The following CNOT1 variants were observed in gnomAD, a reference collection of about 807,000 sequenced individuals.
CNOT1 encodes the protein CCR4-NOT transcription complex subunit 1.
In CNOT1, 15 loss-of-function variants were observed where a neutral mutation model predicts 273.8. That is an observed-to-expected ratio of 0.05 (90% CI 0.04 to 0.08). The LOEUF (loss-of-function observed/expected upper bound fraction) is 0.08, where lower values mean the gene tolerates loss of function less well. Ranked by LOEUF, CNOT1 falls within the 10% of genes least tolerant of loss-of-function variation. The pLI, the probability that CNOT1 is intolerant of heterozygous loss-of-function variation, is 1.00. For missense variants in CNOT1, 1,644 were observed against 2,912.2 expected, an observed-to-expected ratio of 0.56 and a Z score of 10.02; for synonymous variants, 1,022 against 1,005.5, an observed-to-expected ratio of 1.02 and a Z score of -0.31.
intron 44 of CNOT1, chr16:58,527,984 G>C: frequency 3.0e-6 from 1 of 337,714 alleles, no homozygotes; most frequent in South Asian, 2.3e-5. Context: ...GTGGTGGCGA[G>C]TGCCTGTAAT....
In CNOT1 at chr16:58,588,018, G is replaced by C. The variant is rs897830660; in HGVS notation, c.211-140C>G. 3.3e-4 allele frequency: 291 copies of C among 873,778 alleles called. 1 individual carries two copies. Among genetic ancestry groups the C allele is most frequent in the Non-Finnish European group, 4.5e-4 (266 of 595,748 alleles). 54.1% of individuals were successfully genotyped at this position (873,778 alleles called of 1,614,324 possible). ...TCAAAATCGGCTCTTTAAAAATCTCGCCAGGTGCGGTGGTTGACAACCGTA... is the reference window on the plus strand; with the variant it reads ...TCAAAATCGGCTCTTTAAAAATCTCCCCAGGTGCGGTGGTTGACAACCGTA... On this transcript the variant is annotated intron_variant, in intron 3 of 48. Transcript: ENST00000317147.
At chr16:58,587,444 A>C (rs1463236190) in intron 4 of CNOT1, 31 bp from the exon 5 acceptor site, 2 of 1,609,850 alleles carry the variant, frequency 1.2e-6, no homozygotes, top group East Asian at 2.2e-5. Flanking sequence ...GTTTAAAATA[A>C]GAACTTACTT....
rs868280709 is a variant in CNOT1 at position 58,593,358 on chromosome 16, G to A, written c.103-4452C>T. 9.2e-5 allele frequency among the ~76,000 whole-genome samples: 14 copies of A among 151,820 alleles called. 1 individual carries two copies. The highest frequency in any genetic ancestry group is 6.3e-4 in the South Asian group (3 of 4,794). On this transcript the variant is annotated intron_variant, in intron 2 of 48. Coordinates refer to ENST00000317147, the MANE Select transcript of CNOT1 (RefSeq NM_016284.5). ...GCAGATCACCTGAGGTCGGGAGTTCGAGACCGGCCTGACCAACATGGAGAA... is the reference window on the plus strand; with the variant it reads ...GCAGATCACCTGAGGTCGGGAGTTCAAGACCGGCCTGACCAACATGGAGAA...
rs377495670 is a variant in CNOT1 at position 58,551,479 on chromosome 16, A to G, written c.3201+110T>C. 1.4e-5 allele frequency: 19 copies of G among 1,319,302 alleles called. No homozygotes were observed. The East Asian group carries it at 1.6e-4, about 11-fold the overall frequency. The allele number at this position is 1,319,302 out of a possible 1,614,324, so 81.7% of individuals were successfully genotyped here. A position where few individuals can be genotyped will look rare whatever the true frequency, so the allele number is the denominator to read the frequency against. On this transcript the variant is annotated intron_variant, in intron 23 of 48. Coordinates refer to ENST00000317147, the MANE Select transcript of CNOT1 (RefSeq NM_016284.5). ...ACAAAGGAAGACATGTCAGTCTTTT[A>G]TATCTTTTTTAGTAGGCATGTGTTA...
At chr16:58,566,277 TA>T (rs1462827294) in intron 16 of CNOT1, among the ~76,000 whole-genome samples, 1 of 152,248 alleles carries the variant, frequency 6.6e-6, no homozygotes, top group African/African-American at 2.4e-5. Context: ...AACTCCATCG[TA>T]ATTCTTCTAT....
chr16:58,579,075 C>T, intron 12 of CNOT1, 136 bp from the exon 13 acceptor site: 1 of 1,435,052 alleles, frequency 7.0e-7, no homozygotes, highest in Non-Finnish European at 9.1e-7. Flanking sequence ...TTGAAGTCCA[C>T]AGCACTCTCT....
intron 25 of CNOT1, among the ~76,000 whole-genome samples, chr16:58,548,789 A>C (rs1311640607): frequency 6.6e-6 from 1 of 152,248 alleles, no homozygotes; most frequent in African/African-American, 2.4e-5. Flanking sequence ...ATTTGACCTT[A>C]AACTGCACAG....
chr16:58,572,310 T>C (rs1290883757), intron 16 of CNOT1, among the ~76,000 whole-genome samples: 5 of 151,734 alleles, frequency 3.3e-5, no homozygotes, highest in South Asian at 4.2e-4. Flanking sequence ...TGAATACTTC[T>C]GTACTCCACT....
Position 58,621,713 on chromosome 16 carries a change from T to C in CNOT1, c.-175+8015A>G, listed in dbSNP as rs2043323595. The stretch of plus-strand genomic sequence containing the variant: ...GCGGGCAGATCACGAGGTCAGGAGA[T>C]CGAGACCATCCTGGCTAACACGGTG... On this transcript the variant is annotated intron_variant, in intron 1 of 48. Coordinates refer to ENST00000317147, the MANE Select transcript of CNOT1 (RefSeq NM_016284.5). Among the ~76,000 whole-genome samples the C allele has an allele frequency of 2.0e-5, 3 of 147,574 alleles. No individual in the cohort carries two copies. In the South Asian group the frequency reaches 6.4e-4, roughly 32 times the overall value.
At chr16:58,603,292 T>G (rs2042538624) in intron 1 of CNOT1, among the ~76,000 whole-genome samples, 1 of 152,098 alleles carries the variant, frequency 6.6e-6, no homozygotes, top group Non-Finnish European at 1.5e-5. Flanking sequence ...CTACTTGTGA[T>G]GCTGAGGCAG....
chr16:58,622,377 G>T (rs2043381162), intron 1 of CNOT1, among the ~76,000 whole-genome samples: 1 of 126,450 alleles, frequency 7.9e-6, no homozygotes, highest in African/African-American at 2.9e-5. Flanking sequence ...GCAAGGCAAA[G>T]CATGTATTGG....
chr16:58,620,882 A>G (rs960668406), intron 1 of CNOT1, among the ~76,000 whole-genome samples: 21 of 152,138 alleles, frequency 1.4e-4, no homozygotes, highest in Admixed American at 1.4e-3. Flanking sequence ...GCAGTCCTAG[A>G]ATCTTTTACA....
chr16:58,617,779 G>A (rs929722876), intron 1 of CNOT1, among the ~76,000 whole-genome samples: 1 of 152,112 alleles, frequency 6.6e-6, no homozygotes, highest in African/African-American at 2.4e-5. Context: ...GCTGAGTCAG[G>A]AGGACCACTT....
Position 58,528,462 on chromosome 16 carries a change from G to GT in CNOT1, c.6453+12dup, listed in dbSNP as rs1179163766. ...TAAGACATAAGTTTTCCTTTAACTA[G>GT]TTGGAACCTTACCTTTAGATTAGGA... is the stretch of plus-strand genomic sequence containing the variant. On this transcript the variant is annotated intron_variant, in intron 44 of 48. Transcript: ENST00000317147. 8 of 1,601,104 alleles carry GT rather than the reference G, an allele frequency of 5.0e-6. No homozygotes were observed. Among genetic ancestry groups the GT allele is most frequent in the Non-Finnish European group, 6.8e-6 (8 of 1,169,634 alleles).
At chr16:58,564,484 C>T (rs2040969915) in intron 16 of CNOT1, among the ~76,000 whole-genome samples, 2 of 151,968 alleles carry the variant, frequency 1.3e-5, no homozygotes, top group Admixed American at 1.3e-4. Flanking sequence ...TATTTTATGT[C>T]CTATGCAAAA....
intron 16 of CNOT1, among the ~76,000 whole-genome samples, chr16:58,566,766 T>C (rs1271527992): frequency 1.3e-5 from 2 of 152,130 alleles, no homozygotes; most frequent in African/African-American, 2.4e-5. Flanking sequence ...CCCGAGTAGC[T>C]GGGATTACAG....
chr16:58,610,964 G>C (rs1005036054), intron 1 of CNOT1, among the ~76,000 whole-genome samples: 2 of 152,064 alleles, frequency 1.3e-5, no homozygotes, highest in African/African-American at 4.8e-5. Flanking sequence ...TTAAACCCAG[G>C]AGGTGGAGGT....
chr16:58,593,355 T>A (rs902981144), intron 2 of CNOT1, among the ~76,000 whole-genome samples: 1 of 151,588 alleles, frequency 6.6e-6, no homozygotes, highest in Non-Finnish European at 1.5e-5. Flanking sequence ...AGGTCGGGAG[T>A]TCGAGACCGG....
At chr16:58,625,857 C>CAAAAAAAAA (rs35404068) in intron 1 of CNOT1, among the ~76,000 whole-genome samples, 1 of 106,400 alleles carries the variant, frequency 9.4e-6, no homozygotes, top group Non-Finnish European at 1.9e-5. Context: ...AACCCTGTCT[C>CAAAAAAAAA]AAAAAAAAAA....
Sources: allele counts gnomAD v4.1 joint callset (sites outside exome capture counted in the v4.1 genomes callset), GRCh38; gene constraint gnomAD v4.1.1; transcripts MANE v1.5; gene names NCBI Gene and HGNC (gene_info 2026-07-23, HGNC 2026-07-21).